Variants in MTERF4 observed in about 807,000 individuals in gnomAD.
MTERF4 encodes transcription termination factor 4, mitochondrial.
Under a neutral mutation model 22.5 loss-of-function variants are expected in MTERF4, and 17 were observed. The observed-to-expected ratio is 0.75, with a 90% confidence interval of 0.52 to 1.13. The LOEUF (loss-of-function observed/expected upper bound fraction) is 1.13. Among genes scored for constraint, MTERF4 ranks in the 50% most tolerant of loss-of-function variants. MTERF4 has a pLI of 0.00. For synonymous variants in MTERF4, 165 were observed against 175.3 expected (o/e 0.94, Z 0.47); for missense variants, 420 against 466.8 (o/e 0.90, Z 0.92).
At chr2:241,069,739 G>A (rs1004702469), downstream of MTERF4, among the ~76,000 whole-genome samples, 7 of 152,198 alleles carry the variant, frequency 4.6e-5, no homozygotes, top group Middle Eastern at 3.4e-3. This position sits in a 1 kb window ranked among gnomAD's most constrained non-coding sequence, Gnocchi z 4.9. Flanking sequence ...CAGGTCTCTC[G>A]GTTGGAAGAT....
chr2:241,088,573 C>T, downstream of MTERF4: 1 of 615,142 alleles, frequency 1.6e-6, no homozygotes, highest in Non-Finnish European at 2.9e-6. Context: ...TTCAGAAGTC[C>T]CCAAGGGGAA....
intron 1 of MTERF4, among the ~76,000 whole-genome samples, chr2:241,100,849 G>C (rs1294004422): frequency 6.6e-6 from 1 of 152,268 alleles, no homozygotes; most frequent in Non-Finnish European, 1.5e-5. Context: ...ACTGGTGTGG[G>C]GGCGGTCTGG....
At chr2:241,053,080 G>A in the MTERF4 span, 4,359 of 1,446,104 alleles carry the variant, frequency 3.0e-3, 92 homozygotes, top group African/African-American at 0.054. Context: ...CAGTCGGGTC[G>A]GGCAGAGGCA....
chr2:241,069,946 G>A (rs764311419), downstream of MTERF4: 11 of 1,612,694 alleles, frequency 6.8e-6, no homozygotes, highest in East Asian at 1.6e-4. The surrounding 1 kb of genome is among the most constrained non-coding windows in gnomAD (Gnocchi z 4.9). Flanking sequence ...AAACCTGACC[G>A]CCGCCCGAGT....
downstream of MTERF4, among the ~76,000 whole-genome samples, chr2:241,068,716 T>C (rs1461394574): frequency 6.6e-6 from 1 of 152,038 alleles, no homozygotes; most frequent in Non-Finnish European, 1.5e-5. This position sits in a 1 kb window ranked among gnomAD's most constrained non-coding sequence, Gnocchi z 5.3. Context: ...GCCCGGACTA[T>C]GGGTTGGCTT....
the MTERF4 span, among the ~76,000 whole-genome samples, chr2:241,047,720 CCTT>C: frequency 6.6e-6 from 1 of 151,156 alleles, no homozygotes; most frequent in East Asian, 2.0e-4. Context: ...TCTCTCTGGT[CCTT>C]CTTGTTCTGT....
At chr2:241,068,550 T>C (rs984457518), downstream of MTERF4, among the ~76,000 whole-genome samples, 12 of 152,104 alleles carry the variant, frequency 7.9e-5, no homozygotes, top group Non-Finnish European at 1.8e-4. The surrounding 1 kb of genome is among the most constrained non-coding windows in gnomAD (Gnocchi z 5.3). Context: ...CGTTGTCCTG[T>C]GGTTTCCTGA....
chr2:241,101,212 G>A (rs1277242453), intron 1 of MTERF4: 1 of 466,948 alleles, frequency 2.1e-6, no homozygotes, highest in East Asian at 7.0e-5. Context: ...CTACAACCAG[G>A]AGGTGCCATC....
chr2:241,058,383 GA>G, the MTERF4 span, among the ~76,000 whole-genome samples: 18 of 151,250 alleles, frequency 1.2e-4, 1 homozygote, highest in Admixed American at 1.1e-3. Flanking sequence ...CAGAAGTTAG[GA>G]AAAAAAATAC....
Position 241,096,192 on chromosome 2 carries a change from T to A in MTERF4, c.952A>T (p.Lys318Ter). 6.2e-7 allele frequency: 1 copy of A among 1,614,110 alleles called. No homozygotes were observed. Among genetic ancestry groups the A allele is most frequent in the Non-Finnish European group, 8.5e-7 (1 of 1,180,026 alleles). Reference protein sequence around the residue: ...TSVEEFQVFKKLLAREEEESE... With the variant: ...TSVEEFQVFK ...TCCTCCTCCTCCCGAGCCAGGAGCT[T>A]CTTAAAAACTTGAAACTCCTCAACA... The change falls in exon 4 of 4, where the codon AAG becomes TAG. Residue 318 changes from lysine (K) to a stop codon, truncating the protein, a stop_gained. Coordinates refer to ENST00000391980, the MANE Select transcript of MTERF4 (RefSeq NM_182501.4). LOFTEE classifies it low-confidence loss of function (END_TRUNC). The surrounding 1 kb of genome is among the most constrained non-coding windows in gnomAD (Gnocchi z 5.1).
At chr2:241,056,056 GAC>G in the MTERF4 span, among the ~76,000 whole-genome samples, 1 of 148,138 alleles carries the variant, frequency 6.8e-6, no homozygotes, top group Non-Finnish European at 1.5e-5. Context: ...AAGAAATGAT[GAC>G]ACATAATCTA....
chr2:241,095,725 C>A lies in MTERF4; in HGVS notation c.*273G>T. 1 of 462,840 alleles carries A rather than the reference C, an allele frequency of 2.2e-6. No individual in the cohort carries two copies. The allele number at this position is 462,840 out of a possible 1,614,324, so 28.7% of individuals were successfully genotyped here. A position where few individuals can be genotyped will look rare whatever the true frequency, so the allele number is the denominator to read the frequency against. On this transcript the variant is annotated 3_prime_UTR_variant, in exon 4 of 4. Transcript: ENST00000391980. ...ACCAATTGTTGATATATTGAGTCCC[C>A]TTGATGTGAATAGCTCAACATAAGT...
the MTERF4 span, among the ~76,000 whole-genome samples, chr2:241,062,575 A>G: frequency 1.3e-5 from 2 of 152,154 alleles, no homozygotes; most frequent in Non-Finnish European, 2.9e-5. Context: ...GGTGGTTTCA[A>G]GCCCGCCCTG....
At chr2:241,062,921 C>T in the MTERF4 span, 2 of 1,509,500 alleles carry the variant, frequency 1.3e-6, no homozygotes, top group African/African-American at 1.4e-5. Flanking sequence ...GGGGCCCTGG[C>T]CCCGCTGGGG....
the MTERF4 span, chr2:241,064,044 C>A: frequency 6.4e-7 from 1 of 1,562,790 alleles, no homozygotes. This position sits in a 1 kb window ranked among gnomAD's most constrained non-coding sequence, Gnocchi z 7.0. Flanking sequence ...CCCCTGCCAG[C>A]ATGGAGGCCG....
the MTERF4 span, chr2:241,063,237 T>A: frequency 1.0e-5 from 5 of 482,824 alleles, no homozygotes; most frequent in Middle Eastern, 5.7e-4. Flanking sequence ...CCATGAGCCC[T>A]GCACACTCTT....
At chr2:241,065,651 G>A in the MTERF4 span, 153 of 1,476,744 alleles carry the variant, frequency 1.0e-4, no homozygotes, top group Middle Eastern at 4.7e-4. Context: ...CGAGGGCAGC[G>A]CTGGCCCCGG....
intron 4 of MTERF4, chr2:241,081,746 A>C (rs751582250): frequency 1.2e-6 from 2 of 1,607,698 alleles, no homozygotes; most frequent in Non-Finnish European, 8.5e-7. Flanking sequence ...GCAGACGCCC[A>C]CAGCTGTGAC....
chr2:241,085,342 T>C (rs1024653378), downstream of MTERF4, among the ~76,000 whole-genome samples: 2 of 152,206 alleles, frequency 1.3e-5, no homozygotes, highest in Non-Finnish European at 2.9e-5. Context: ...CTCAAGGTCA[T>C]TGATCTTTTC....
Sources: allele counts gnomAD v4.1 joint callset (sites outside exome capture counted in the v4.1 genomes callset), GRCh38; gene constraint gnomAD v4.1.1; non-coding constraint Gnocchi (gnomAD v3.1); transcripts MANE v1.5; gene names NCBI Gene and HGNC (gene_info 2026-07-23, HGNC 2026-07-21).